CHCT1: variants seen among roughly 807,000 people sequenced by gnomAD.
The protein encoded by CHCT1 is CHD1 helical C-terminal domain containing protein 1.
At chr17:60,426,747 C>A in the CHCT1 span, 1 of 1,611,338 alleles carries the variant, frequency 6.2e-7, no homozygotes, top group Non-Finnish European at 8.5e-7. Context: ...TCCCTCTTCT[C>A]GGAGCTGGAA....
the CHCT1 span, chr17:60,426,489 A>T: frequency 1.9e-6 from 2 of 1,039,678 alleles, no homozygotes; most frequent in East Asian, 5.2e-5. Flanking sequence ...GTCACTCAGG[A>T]CAGCCCTGAC....
the CHCT1 span, among the ~76,000 whole-genome samples, chr17:60,427,471 G>T: frequency 6.6e-6 from 1 of 151,940 alleles, no homozygotes; most frequent in Non-Finnish European, 1.5e-5. Flanking sequence ...AAGCTGGAGT[G>T]TCGTGGCGCG....
chr17:60,431,154 G>A, the CHCT1 span: 1 of 1,484,078 alleles, frequency 6.7e-7, no homozygotes, highest in East Asian at 2.3e-5. Flanking sequence ...ATGTCATTGG[G>A]ACTGTCTCTG....
chr17:60,426,991 T>C, the CHCT1 span: 2 of 780,260 alleles, frequency 2.6e-6, no homozygotes, highest in Non-Finnish European at 3.1e-6. Flanking sequence ...CAGAGTGGGC[T>C]GAAGAGGCCG....
the CHCT1 span, chr17:60,429,287 A>G: frequency 6.8e-7 from 1 of 1,477,124 alleles, no homozygotes; most frequent in Non-Finnish European, 9.2e-7. Context: ...TTTCTCAACA[A>G]ATGCGGTGCT....
chr17:60,429,494 C>A, the CHCT1 span: 2 of 1,614,272 alleles, frequency 1.2e-6, no homozygotes, highest in South Asian at 2.2e-5. Flanking sequence ...GTCCAACATG[C>A]AGACCCCAGG....
chr17:60,424,512 C>CAGCT, the CHCT1 span, among the ~76,000 whole-genome samples: 5 of 152,186 alleles, frequency 3.3e-5, no homozygotes. Context: ...ACTGAGCTTG[C>CAGCT]AGCTCATTCA....
At chr17:60,426,218 G>A in the CHCT1 span, 18 of 1,551,714 alleles carry the variant, frequency 1.2e-5, no homozygotes, top group Middle Eastern at 1.7e-4. Context: ...CCTGCCCAGG[G>A]ACCTTCCCCA....
chr17:60,431,410 A>G, the CHCT1 span: 28 of 614,552 alleles, frequency 4.6e-5, no homozygotes, highest in East Asian at 7.7e-4. Flanking sequence ...AAACATTCTT[A>G]TGACAGTTCT....
At chr17:60,427,038 A>G in the CHCT1 span, among the ~76,000 whole-genome samples, 1 of 152,186 alleles carries the variant, frequency 6.6e-6, no homozygotes, top group Non-Finnish European at 1.5e-5. Context: ...TATTTGATGC[A>G]CGGGCAAGCC....
the CHCT1 span, among the ~76,000 whole-genome samples, chr17:60,423,198 T>C: frequency 6.8e-6 from 1 of 147,762 alleles, no homozygotes; most frequent in Non-Finnish European, 1.5e-5. Context: ...TCTTTGTTCT[T>C]TTTTTTTTTT....
At chr17:60,427,792 A>G in the CHCT1 span, among the ~76,000 whole-genome samples, 1 of 152,056 alleles carries the variant, frequency 6.6e-6, no homozygotes, top group Non-Finnish European at 1.5e-5. Context: ...TATGATATGG[A>G]AGAGTGCCAT....
chr17:60,428,601 C>T, the CHCT1 span, among the ~76,000 whole-genome samples: 1 of 151,608 alleles, frequency 6.6e-6, no homozygotes, highest in Non-Finnish European at 1.5e-5. Context: ...ATTCTCTTGC[C>T]TCAGCCTCCT....
At chr17:60,425,918 T>C in the CHCT1 span, 1 of 1,503,866 alleles carries the variant, frequency 6.6e-7, no homozygotes, top group Non-Finnish European at 9.1e-7. Context: ...CCCTGTCCCC[T>C]TTTCCCCATT....
At chr17:60,421,705 G>C in the CHCT1 span, 1 of 798,988 alleles carries the variant, frequency 1.3e-6, no homozygotes, top group Non-Finnish European at 1.5e-6. Flanking sequence ...AGCACCTCCC[G>C]GCCCTGCCCG....
the CHCT1 span, among the ~76,000 whole-genome samples, chr17:60,429,141 T>C: frequency 6.6e-6 from 1 of 152,096 alleles, no homozygotes; most frequent in Admixed American, 6.6e-5. Flanking sequence ...AGACATGATC[T>C]CAAAATAAAG....
At chr17:60,429,240 T>C in the CHCT1 span, 2 of 1,069,208 alleles carry the variant, frequency 1.9e-6, no homozygotes, top group Admixed American at 2.7e-5. Flanking sequence ...CCCATCCTTT[T>C]GGTTAGGCAA....
chr17:60,422,682 C>G, the CHCT1 span: 1 of 1,513,440 alleles, frequency 6.6e-7, no homozygotes, highest in Admixed American at 2.2e-5. Context: ...AGGAGGGTCC[C>G]GGAGGGGCTG....
At chr17:60,426,805 G>A in the CHCT1 span, 41 of 1,604,748 alleles carry the variant, frequency 2.6e-5, no homozygotes, top group South Asian at 1.8e-4. Context: ...GCAGCCAGCC[G>A]GCCAAGTTCC....
Sources: allele counts gnomAD v4.1 joint callset (sites outside exome capture counted in the v4.1 genomes callset), GRCh38; gene constraint gnomAD v4.1.1; transcripts MANE v1.5; gene names NCBI Gene and HGNC (gene_info 2026-07-23, HGNC 2026-07-21).